The following ATRNL1 variants were observed in gnomAD, a reference collection of about 807,000 sequenced individuals.
ATRNL1 encodes attractin-like protein 1.
In ATRNL1, 95 loss-of-function variants were observed where a neutral mutation model predicts 182.7. The ratio of observed to expected loss-of-function variants is 0.52; its 90% CI spans 0.44 to 0.62. The LOEUF (loss-of-function observed/expected upper bound fraction) is 0.62, where lower values mean the gene tolerates loss of function less well. Ranked by LOEUF, ATRNL1 falls within the 20% of genes least tolerant of loss-of-function variation. The probability of loss-of-function intolerance (pLI) is 0.00; values close to 1 mark genes in which losing one functional copy is unlikely to be tolerated. For missense variants in ATRNL1, 1,471 were observed against 1,679.5 expected (o/e 0.88, Z 2.17); for synonymous variants, 576 against 568.3 (o/e 1.01, Z -0.19).
At chr10:115,689,705 A>C (rs1243295946) in intron 26 of ATRNL1, among the ~76,000 whole-genome samples, 1 of 152,134 alleles carries the variant, frequency 6.6e-6, no homozygotes. Flanking sequence ...ATCAGTGTGC[A>C]CTGGTGTTGA....
At position 115,120,221 on chromosome 10, in the gene ATRNL1, A is replaced by G; in HGVS notation, c.330A>G (p.Pro110=). 1 of 1,577,408 alleles carries G rather than the reference A, an allele frequency of 6.3e-7. No homozygotes were observed. The highest frequency in any genetic ancestry group is 2.3e-5 in the East Asian group (1 of 44,284). Residue 110 remains proline, a synonymous_variant, in exon 2 of 29, where the codon CCA becomes CCG. Coordinates refer to ENST00000355044, the MANE Select transcript of ATRNL1 (RefSeq NM_207303.4). ...CTTCTGGATATTTAACAGATGGCCC[A>G]ATTAACTATAAATATAAAACTAAAT... ...TEPSGYLTDG[P]INYKYKTKCT...
intron 26 of ATRNL1, among the ~76,000 whole-genome samples, chr10:115,617,917 G>A (rs1268933329): frequency 6.6e-6 from 1 of 152,172 alleles, no homozygotes; most frequent in African/African-American, 2.4e-5. Context: ...GTGGGGTCTT[G>A]TGGAAGGTTA....
At chr10:115,419,771 C>A (rs1357357767) in intron 20 of ATRNL1, among the ~76,000 whole-genome samples, 1 of 152,022 alleles carries the variant, frequency 6.6e-6, no homozygotes, top group Non-Finnish European at 1.5e-5. Context: ...GTATATAAAG[C>A]AAATATTAAT....
chr10:115,850,329 A>G (rs1951025597), intron 28 of ATRNL1, among the ~76,000 whole-genome samples: 3 of 152,214 alleles, frequency 2.0e-5, no homozygotes, highest in African/African-American at 4.8e-5. Flanking sequence ...TCACTGCAAG[A>G]AAAAAGGCAG....
At chr10:115,374,375 T>A (rs1353114539) in intron 19 of ATRNL1, among the ~76,000 whole-genome samples, 2 of 151,552 alleles carry the variant, frequency 1.3e-5, no homozygotes, top group African/African-American at 4.8e-5. Flanking sequence ...TGATTTTTAT[T>A]ATTTCTGCCT....
chr10:115,746,370 T>C (rs1948291331), intron 27 of ATRNL1, among the ~76,000 whole-genome samples: 1 of 152,048 alleles, frequency 6.6e-6, no homozygotes, highest in African/African-American at 2.4e-5. Context: ...ATGTGGAGTA[T>C]TTACTAGGTA....
chr10:115,646,763 A>G (rs1406209466), intron 26 of ATRNL1, among the ~76,000 whole-genome samples: 1 of 152,018 alleles, frequency 6.6e-6, no homozygotes, highest in African/African-American at 2.4e-5. Flanking sequence ...ACTATTATCT[A>G]ATCTGCTTTA....
chr10:115,778,052 T>C (rs1358210694), intron 27 of ATRNL1, among the ~76,000 whole-genome samples: 1 of 152,160 alleles, frequency 6.6e-6, no homozygotes, highest in Non-Finnish European at 1.5e-5. Flanking sequence ...GGCCGGACTT[T>C]CTTTGAGAAT....
intron 27 of ATRNL1, among the ~76,000 whole-genome samples, chr10:115,821,545 C>T (rs1409424052): frequency 1.3e-5 from 2 of 152,136 alleles, no homozygotes; most frequent in African/African-American, 4.8e-5. Flanking sequence ...GGAGACCCAT[C>T]TCATGTGCAA....
chr10:115,626,568 C>T (rs1452220874), intron 26 of ATRNL1, among the ~76,000 whole-genome samples: 1 of 152,022 alleles, frequency 6.6e-6, no homozygotes, highest in African/African-American at 2.4e-5. Flanking sequence ...TAATATGTTT[C>T]CTTAGACAGG....
chr10:115,169,408 C>T (rs997470598), intron 7 of ATRNL1, among the ~76,000 whole-genome samples: 3 of 151,748 alleles, frequency 2.0e-5, no homozygotes, highest in South Asian at 4.2e-4. Context: ...GGGGTTTCAC[C>T]ATGTTGGCCA....
At chr10:115,731,416 A>G (rs892605324) in intron 27 of ATRNL1, among the ~76,000 whole-genome samples, 39 of 152,188 alleles carry the variant, frequency 2.6e-4, no homozygotes, top group African/African-American at 8.9e-4. Flanking sequence ...AAAGCATTAT[A>G]TTAATTGTTG....
intron 19 of ATRNL1, among the ~76,000 whole-genome samples, chr10:115,337,102 C>T (rs550897675): frequency 9.2e-4 from 139 of 151,406 alleles, no homozygotes; most frequent in African/African-American, 3.1e-3. Context: ...ACCTCGTGAT[C>T]TGTCTGCCTC....
At chr10:115,792,378 T>G (rs1949549964) in intron 27 of ATRNL1, among the ~76,000 whole-genome samples, 1 of 152,100 alleles carries the variant, frequency 6.6e-6, no homozygotes, top group African/African-American at 2.4e-5. Context: ...AGTTCTACAA[T>G]AGCTGTAATC....
At chr10:115,426,382 T>C in intron 21 of ATRNL1, 80 bp downstream of exon 21, 1 of 1,019,456 alleles carries the variant, frequency 9.8e-7, no homozygotes, top group Non-Finnish European at 1.4e-6. Context: ...CTTGAATAAC[T>C]AAAATTGTCA....
Position 115,093,822 on chromosome 10 carries a change from G to C in ATRNL1, c.72G>C (p.Pro24=). ...PAAPGVWRAR[P]AGGGGGGASS... ...CCCCGGGGGTGTGGAGGGCTCGGCC[G>C]GCGGGCGGCGGCGGCGGGGGCGCCT... The change falls in exon 1 of 29, where the codon CCG becomes CCC. Residue 24 remains proline, a synonymous_variant. Transcript: ENST00000355044. This position sits in a 1 kb window ranked among gnomAD's most constrained non-coding sequence, Gnocchi z 6.1. 6.7e-7 allele frequency: 1 copy of C among 1,500,902 alleles called. No homozygotes were observed. Among genetic ancestry groups the C allele is most frequent in the South Asian group, 1.3e-5 (1 of 77,246 alleles). The allele number at this position is 1,500,902 out of a possible 1,614,324, so 93.0% of individuals were successfully genotyped here. A position where few individuals can be genotyped will look rare whatever the true frequency, so the allele number is the denominator to read the frequency against.
intron 19 of ATRNL1, among the ~76,000 whole-genome samples, chr10:115,368,848 A>G (rs924044121): frequency 2.0e-5 from 3 of 151,458 alleles, no homozygotes; most frequent in Non-Finnish European, 4.4e-5. Flanking sequence ...TGAGTAGCTG[A>G]GATTACAGGT....
At chr10:115,122,942 C>T (rs1350977472) in intron 3 of ATRNL1, among the ~76,000 whole-genome samples, 1 of 152,056 alleles carries the variant, frequency 6.6e-6, no homozygotes, top group African/African-American at 2.4e-5. Flanking sequence ...TTATTTTTAG[C>T]AATTTAAACA....
At chr10:115,766,096 AT>A (rs1244903188) in intron 27 of ATRNL1, among the ~76,000 whole-genome samples, 2 of 152,230 alleles carry the variant, frequency 1.3e-5, no homozygotes, top group African/African-American at 2.4e-5. Flanking sequence ...AAAAGCAGAG[AT>A]TTTTTTTAAT....
Sources: allele counts gnomAD v4.1 joint callset (sites outside exome capture counted in the v4.1 genomes callset), GRCh38; gene constraint gnomAD v4.1.1; non-coding constraint Gnocchi (gnomAD v3.1); transcripts MANE v1.5; gene names NCBI Gene and HGNC (gene_info 2026-07-23, HGNC 2026-07-21).